Variants in SLIT3 observed in about 807,000 individuals in gnomAD.
The protein encoded by SLIT3 is slit guidance ligand 3, also known as slit homolog 3 protein.
SLIT3 carries 68 observed loss-of-function variants against 184.0 expected under a neutral mutation model. The observed-to-expected ratio is 0.37, with a 90% confidence interval of 0.30 to 0.45. The LOEUF is 0.45. Ranked by LOEUF, SLIT3 falls within the 20% of genes least tolerant of loss-of-function variation. The pLI is 1.00. For missense variants in SLIT3, 1,707 were observed against 2,026.0 expected, an observed-to-expected ratio of 0.84 and a Z score of 3.02; for synonymous variants, 831 against 828.6, an observed-to-expected ratio of 1.00 and a Z score of -0.05.
At chr5:169,054,100 A>G (rs917330206) in intron 4 of SLIT3, among the ~76,000 whole-genome samples, 4 of 151,908 alleles carry the variant, frequency 2.6e-5, no homozygotes, top group Non-Finnish European at 5.9e-5. Context: ...CAAGAAAAGA[A>G]AAAAAAATAG....
At chr5:168,722,180 G>A in intron 23 of SLIT3, 76 bp downstream of exon 23, 1 of 1,316,386 alleles carries the variant, frequency 7.6e-7, no homozygotes, top group Non-Finnish European at 1.1e-6. Flanking sequence ...AGAGAGTGGG[G>A]AAGGGGAGTG....
chr5:168,738,810 C>T (rs1165092738), intron 20 of SLIT3, among the ~76,000 whole-genome samples: 4 of 151,980 alleles, frequency 2.6e-5, no homozygotes, highest in South Asian at 4.2e-4. Flanking sequence ...CGGTGGCGGG[C>T]GCCTGTAGTC....
At chr5:169,103,934 G>A (rs1404012024) in intron 4 of SLIT3, among the ~76,000 whole-genome samples, 1 of 152,208 alleles carries the variant, frequency 6.6e-6, no homozygotes, top group Non-Finnish European at 1.5e-5. Context: ...TTGCTGCTCT[G>A]TGCTGGAGTT....
rs527434141 is a variant in SLIT3, at chr5:168,901,287, C to T, written c.414-17951G>A. On this transcript the variant is annotated intron_variant, in intron 4 of 35. Coordinates refer to ENST00000519560, the MANE Select transcript of SLIT3 (RefSeq NM_003062.4). The stretch of plus-strand genomic sequence containing the variant: ...GCTGAGGCGGGAGAATGACGTGAAC[C>T]TGGGGGGCGGAGCTTGCAGTGAGCT... Among the ~76,000 whole-genome samples, 7 of 152,272 alleles carry T rather than the reference C, an allele frequency of 4.6e-5. No individual in the cohort carries two copies. The East Asian group carries it at 1.4e-3, about 29-fold the overall frequency.
intron 32 of SLIT3, among the ~76,000 whole-genome samples, chr5:168,682,455 GT>G (rs890531051): frequency 6.6e-6 from 1 of 152,218 alleles, no homozygotes; most frequent in African/African-American, 2.4e-5. Flanking sequence ...AACCCCTAGG[GT>G]TTTGGATTCA....
At chr5:168,667,624 G>A (rs1761097956) in intron 35 of SLIT3, 3 of 152,270 alleles carry the variant, frequency 2.0e-5, no homozygotes, top group Admixed American at 2.0e-4. Flanking sequence ...CAAGGCACTT[G>A]AGGAAGGGAG....
chr5:168,745,897 A>G (rs1380131701), intron 20 of SLIT3, among the ~76,000 whole-genome samples: 2 of 152,318 alleles, frequency 1.3e-5, no homozygotes, highest in East Asian at 3.9e-4. Context: ...AGCAGCCATC[A>G]ACATCAAGAC....
rs139999035 is a variant in SLIT3, at chr5:168,815,793, C to A, written c.793+1507G>T. On this transcript the variant is annotated intron_variant, in intron 8 of 35. Coordinates refer to ENST00000519560, the MANE Select transcript of SLIT3 (RefSeq NM_003062.4). ...AGAGCAGAAGAGGCCAGAGAGTTTG[C>A]GCTTCTGGCCATACTGGAGTCCAGC... is the stretch of plus-strand genomic sequence containing the variant. Among the ~76,000 whole-genome samples the A allele has an allele frequency of 4.4e-3, 675 of 152,268 alleles. 5 individuals are homozygous for A. The highest frequency in any genetic ancestry group is 0.015 in the African/African-American group (638 of 41,564).
chr5:168,748,163 T>C, intron 20 of SLIT3, 139 bp downstream of exon 20: 1 of 994,176 alleles, frequency 1.0e-6, no homozygotes, highest in Non-Finnish European at 1.4e-6. Flanking sequence ...TCCACTGCCA[T>C]CTTGCTGGGA....
intron 4 of SLIT3, chr5:169,018,530 T>C (rs1466293765): frequency 6.6e-6 from 1 of 152,158 alleles, no homozygotes; most frequent in African/African-American, 2.4e-5. Context: ...CCCAGAGACA[T>C]GGGGACTCAA....
intron 4 of SLIT3, among the ~76,000 whole-genome samples, chr5:168,949,822 A>G (rs931586070): frequency 6.6e-5 from 10 of 152,106 alleles, no homozygotes; most frequent in African/African-American, 2.4e-4. Context: ...AAAGTCCTGG[A>G]CTCAAGTGAT....
At chr5:168,755,849 T>C (rs1754927497) in intron 16 of SLIT3, among the ~76,000 whole-genome samples, 1 of 152,166 alleles carries the variant, frequency 6.6e-6, no homozygotes, top group African/African-American at 2.4e-5. Context: ...AAGCAGATGC[T>C]GCAGAGCCAT....
chr5:169,199,275 T>C (rs530119027), intron 3 of SLIT3, among the ~76,000 whole-genome samples: 16 of 146,104 alleles, frequency 1.1e-4, no homozygotes, highest in South Asian at 6.5e-4. Context: ...GATAACAGTG[T>C]GGCTGAAGTG....
At chr5:169,038,508 A>G (rs1315978885) in intron 4 of SLIT3, among the ~76,000 whole-genome samples, 1 of 152,194 alleles carries the variant, frequency 6.6e-6, no homozygotes, top group Non-Finnish European at 1.5e-5. Context: ...AAAAAAGTGC[A>G]TTAGGTAACG....
At chr5:169,130,006 G>A (rs184921599) in intron 4 of SLIT3, among the ~76,000 whole-genome samples, 6 of 152,016 alleles carry the variant, frequency 3.9e-5, no homozygotes, top group African/African-American at 1.2e-4. Context: ...CCACAACTGC[G>A]CCGGGCTAAT....
rs763732261 is a variant in SLIT3, at chr5:169,190,193, T to C, written c.413+3286A>G. 7.9e-5 allele frequency among the ~76,000 whole-genome samples: 12 copies of C among 152,344 alleles called. No homozygotes were observed. In the South Asian group the frequency reaches 2.5e-3, roughly 32 times the overall value. ...TGGTTGGCTGGGACATGGGCATATA[T>C]GACCAAGCTAAGTAATCAGTGTCTA... On this transcript the variant is annotated intron_variant, in intron 4 of 35. Transcript: ENST00000519560.
At chr5:169,059,970 C>G (rs1480383322) in intron 4 of SLIT3, among the ~76,000 whole-genome samples, 1 of 152,226 alleles carries the variant, frequency 6.6e-6, no homozygotes, top group Admixed American at 6.5e-5. Context: ...CCCTAGAGAG[C>G]TCTTTCATCC....
intron 4 of SLIT3, among the ~76,000 whole-genome samples, chr5:169,162,062 C>T (rs562524336): frequency 1.3e-5 from 2 of 152,324 alleles, no homozygotes; most frequent in African/African-American, 4.8e-5. Flanking sequence ...TTAATTTTCA[C>T]AACAACTTGT....
intron 20 of SLIT3, among the ~76,000 whole-genome samples, chr5:168,736,280 A>C (rs1196432628): frequency 6.6e-6 from 1 of 152,152 alleles, no homozygotes; most frequent in Non-Finnish European, 1.5e-5. Context: ...GTCACTGTCC[A>C]ATAGTGTGGA....
Sources: allele counts gnomAD v4.1 joint callset (sites outside exome capture counted in the v4.1 genomes callset), GRCh38; gene constraint gnomAD v4.1.1; transcripts MANE v1.5; gene names NCBI Gene and HGNC (gene_info 2026-07-23, HGNC 2026-07-21).